Variants in CEP89 observed in about 807,000 individuals in gnomAD.
CEP89 encodes the protein centrosomal protein 89, also known as centrosomal protein of 89 kDa.
A neutral mutation model predicts 97.6 loss-of-function variants in CEP89; 95 were observed. The ratio of observed to expected loss-of-function variants is 0.97; its 90% confidence interval spans 0.82 to 1.15. The LOEUF (loss-of-function observed/expected upper bound fraction) is 1.15. Among genes scored for constraint, CEP89 ranks in the 50% most tolerant of loss-of-function variants. The probability of loss-of-function intolerance (pLI) is 0.00; values close to 1 mark genes in which losing one functional copy is unlikely to be tolerated. For missense variants in CEP89, 869 were observed against 947.7 expected (o/e 0.92, Z 1.09); for synonymous variants, 354 against 349.1 (o/e 1.01, Z -0.16).
At chr19:32,921,873 G>C (rs1456939987) in intron 12 of CEP89, among the ~76,000 whole-genome samples, 2 of 152,198 alleles carry the variant, frequency 1.3e-5, no homozygotes, top group Non-Finnish European at 2.9e-5. Context: ...CCAATGGTAA[G>C]AATGCTGTTG....
intron 2 of CEP89, 125 bp downstream of exon 2, chr19:32,966,235 A>G (rs568331428): frequency 3.1e-4 from 136 of 440,976 alleles, no homozygotes; most frequent in South Asian, 2.6e-3. Context: ...CGTGGTAAAC[A>G]TTTTGAAGGA....
At chr19:32,970,571 A>T (rs1568588172) in intron 1 of CEP89, 1 of 152,154 alleles carries the variant, frequency 6.6e-6, no homozygotes, top group Non-Finnish European at 1.5e-5. Context: ...ATCTTGGCTC[A>T]CTGCAACCTC....
intron 2 of CEP89, 48 bp from the exon 3 acceptor site, chr19:32,960,106 G>C: frequency 6.2e-7 from 1 of 1,601,456 alleles, no homozygotes; most frequent in South Asian, 1.1e-5. Flanking sequence ...GAACATTCCA[G>C]GTGAATGCTG....
chr19:32,898,813 C>T lies in CEP89; in HGVS notation c.1875+1044G>A, dbSNP rs372639685. Among the ~76,000 whole-genome samples, 5 of 143,868 alleles carry T rather than the reference C, an allele frequency of 3.5e-5. No individual in the cohort carries two copies. The South Asian group carries it at 8.8e-4, about 25-fold the overall frequency. 94.4% of individuals were successfully genotyped at this position (143,868 alleles called of 152,430 possible). A position where few individuals can be genotyped will look rare whatever the true frequency, so the allele number is the denominator to read the frequency against. On this transcript the variant is annotated intron_variant, in intron 16 of 18. Transcript: ENST00000305768. ...ACAAAAATGTCTTGAACCCAGGAAG[C>T]GGAGGTTGCAGTGAGCCGAGATCAC...
intron 16 of CEP89, among the ~76,000 whole-genome samples, chr19:32,895,880 C>T (rs1969629829): frequency 6.6e-6 from 1 of 151,798 alleles, no homozygotes; most frequent in Non-Finnish European, 1.5e-5. Context: ...ACAATAGCTA[C>T]AAAAAAATAC....
In CEP89 at chr19:32,881,989, T is replaced by G; in HGVS notation, c.1990A>C (p.Lys664Gln). The G allele has an allele frequency of 6.3e-7, 1 of 1,580,416 alleles. No individual in the cohort carries two copies. Among genetic ancestry groups the G allele is most frequent in the South Asian group, 1.2e-5 (1 of 86,792 alleles). Residue 664 changes from lysine (K) to glutamine (Q), a missense_variant, in exon 18 of 19, where the codon AAG becomes CAG. Physicochemically the swap from Lys to Gln is moderately conservative, Grantham distance 53. Coordinates refer to ENST00000305768, the MANE Select transcript of CEP89 (RefSeq NM_032816.5). ...AGACGGTGACTGATGTCCCCCAGCT[T>G]CAGTGCTGCCTGCTTCTTGTAGCCC... The part of the protein sequence containing the change: ...VKGYKKQAAL[K>Q]LGDISHRLLE...
intron 14 of CEP89, among the ~76,000 whole-genome samples, chr19:32,902,511 T>C (rs907664392): frequency 3.9e-4 from 60 of 152,166 alleles, no homozygotes; most frequent in Non-Finnish European, 1.0e-4. Flanking sequence ...AGAGACCAGA[T>C]TTACTCCTCA....
At chr19:32,966,870 G>C (rs770196234) in intron 1 of CEP89, among the ~76,000 whole-genome samples, 1 of 152,106 alleles carries the variant, frequency 6.6e-6, no homozygotes, top group African/African-American at 2.4e-5. Context: ...TTTGAGATGG[G>C]GTCTTGCTCT....
At chr19:32,927,413 T>C (rs1024593010) in intron 9 of CEP89, among the ~76,000 whole-genome samples, 2 of 152,078 alleles carry the variant, frequency 1.3e-5, no homozygotes, top group Non-Finnish European at 2.9e-5. Flanking sequence ...TATATATATA[T>C]ATATTACTGC....
chr19:32,910,040 T>C (rs1969965515), intron 14 of CEP89, among the ~76,000 whole-genome samples: 1 of 152,132 alleles, frequency 6.6e-6, no homozygotes, highest in Admixed American at 6.6e-5. Context: ...GCAGGCAGAA[T>C]GCTTGAGGCC....
chr19:32,927,930 T>C (rs371929053), intron 9 of CEP89, among the ~76,000 whole-genome samples: 41 of 147,602 alleles, frequency 2.8e-4, no homozygotes, highest in Admixed American at 4.1e-4. Context: ...TTTTTTTTTT[T>C]TTTTTGAGAC....
At chr19:32,933,691 T>G in intron 7 of CEP89, 22 bp from the exon 8 acceptor site, 5 of 1,424,512 alleles carry the variant, frequency 3.5e-6, no homozygotes, top group Non-Finnish European at 4.9e-6. Context: ...CAGGGGAAAA[T>G]TTTACAATGT....
intron 17 of CEP89, among the ~76,000 whole-genome samples, chr19:32,884,611 G>A (rs1969354469): frequency 6.6e-6 from 1 of 152,086 alleles, no homozygotes; most frequent in African/African-American, 2.4e-5. Context: ...CCTGCTCCAT[G>A]CTCTGTCCCT....
intron 1 of CEP89, chr19:32,971,091 A>G: frequency 6.2e-6 from 1 of 161,632 alleles, no homozygotes; most frequent in Non-Finnish European, 1.3e-5. Context: ...GACCTAGGGG[A>G]AGGGCGAGAG....
At chr19:32,930,813 A>G (rs1398837053) in intron 9 of CEP89, among the ~76,000 whole-genome samples, 2 of 152,194 alleles carry the variant, frequency 1.3e-5, no homozygotes, top group Non-Finnish European at 2.9e-5. Context: ...ATGCACTGAC[A>G]ACAGCTGCAA....
chr19:32,945,528 C>T (rs1970779411), intron 5 of CEP89, among the ~76,000 whole-genome samples: 1 of 152,314 alleles, frequency 6.6e-6, no homozygotes, highest in Middle Eastern at 3.4e-3. Flanking sequence ...GCTCATGTTA[C>T]TGCAGCATTT....
intron 13 of CEP89, 71 bp from the exon 14 acceptor site, chr19:32,915,588 G>T: frequency 7.7e-7 from 1 of 1,305,060 alleles, no homozygotes; most frequent in Non-Finnish European, 1.1e-6. Context: ...GGGCTATTAG[G>T]AAATACTAAT....
intron 16 of CEP89, among the ~76,000 whole-genome samples, chr19:32,892,687 A>G (rs1358692576): frequency 6.6e-6 from 1 of 151,806 alleles, no homozygotes; most frequent in African/African-American, 2.4e-5. Context: ...AAAAAAAAAA[A>G]AAAAAAACCT....
At chr19:32,926,893 C>G (rs200002539) in intron 10 of CEP89, 41 bp downstream of exon 10, 1,120 of 1,580,464 alleles carry the variant, frequency 7.1e-4, no homozygotes, top group Non-Finnish European at 7.7e-4. Flanking sequence ...TGCAAATATA[C>G]CCTGAAAATA....
Sources: gnomAD v4.1 joint callset for allele counts (sites outside exome capture counted in the v4.1 genomes callset) on GRCh38, gnomAD v4.1.1 for gene constraint, MANE v1.5 for transcripts, NCBI Gene and HGNC (gene_info 2026-07-23, HGNC 2026-07-21) for gene names.